AIM2: variants seen among roughly 807,000 people sequenced by gnomAD.
AIM2 encodes absent in melanoma 2, also known as interferon-inducible protein AIM2.
A neutral mutation model predicts 27.7 loss-of-function variants in AIM2; 30 were observed. The ratio of observed to expected loss-of-function variants is 1.08; its 90% confidence interval spans 0.81 to 1.47. The LOEUF is 1.47. Among genes scored for constraint, AIM2 ranks in the 40% most tolerant of loss-of-function variants. The pLI is 0.00. For missense variants in AIM2, 358 were observed against 411.3 expected, an observed-to-expected ratio of 0.87 and a Z score of 1.12; for synonymous variants, 141 against 145.3, an observed-to-expected ratio of 0.97 and a Z score of 0.21.
chr1:159,086,597 A>C (rs1039508915), intron 1 of AIM2, among the ~76,000 whole-genome samples: 2 of 152,210 alleles, frequency 1.3e-5, no homozygotes, highest in Admixed American at 6.5e-5. Flanking sequence ...TGCAAGCCCA[A>C]GTCTGAGCTA....
chr1:159,120,025 T>C lies in AIM2; in HGVS notation c.-16+20406A>G, dbSNP rs1557911714. ...ATATAATCTTATGTTCATACTAACATTTACAACTTAGATTTGATTTTATAG... is the reference window on the plus strand; with the variant it reads ...ATATAATCTTATGTTCATACTAACACTTACAACTTAGATTTGATTTTATAG... On this transcript the variant is annotated intron_variant, in intron 1 of 2. Coordinates refer to the AIM2 transcript ENST00000368129. 6.6e-5 allele frequency among the ~76,000 whole-genome samples: 10 copies of C among 152,146 alleles called. 1 individual carries two copies.
chr1:159,086,611 G>T (rs190089711), intron 1 of AIM2, among the ~76,000 whole-genome samples: 1 of 152,232 alleles, frequency 6.6e-6, no homozygotes, highest in East Asian at 1.9e-4. Flanking sequence ...TGAGCTAAGT[G>T]CTCCTGTTGT....
chr1:159,075,284 A>G (rs1020977236), intron 1 of AIM2, among the ~76,000 whole-genome samples: 1 of 152,152 alleles, frequency 6.6e-6, no homozygotes, highest in African/African-American at 2.4e-5. Flanking sequence ...CACAAAATAT[A>G]TATCTGGTTG....
intron 1 of AIM2, among the ~76,000 whole-genome samples, chr1:159,106,781 C>T: frequency 6.6e-6 from 1 of 152,262 alleles, no homozygotes; most frequent in East Asian, 1.9e-4. Flanking sequence ...TGAAGGCTCT[C>T]TGCCACAACT....
intron 1 of AIM2, among the ~76,000 whole-genome samples, chr1:159,109,664 T>C (rs1398061105): frequency 6.6e-6 from 1 of 151,970 alleles, no homozygotes; most frequent in East Asian, 1.9e-4. Flanking sequence ...TCTATACAAC[T>C]GACAAAGTGC....
chr1:159,139,007 G>A (rs1017794958), intron 1 of AIM2, among the ~76,000 whole-genome samples: 1 of 152,132 alleles, frequency 6.6e-6, no homozygotes, highest in African/African-American at 2.4e-5. Flanking sequence ...GTATTCAGAA[G>A]AAAATTGTTA....
At chr1:159,128,669 ACT>A in intron 1 of AIM2, among the ~76,000 whole-genome samples, 1 of 151,770 alleles carries the variant, frequency 6.6e-6, no homozygotes. Context: ...AGATACTTTA[ACT>A]CTCAGCTTCC....
At chr1:159,105,342 G>A (rs1324830400) in intron 1 of AIM2, among the ~76,000 whole-genome samples, 1 of 152,202 alleles carries the variant, frequency 6.6e-6, no homozygotes, top group Admixed American at 6.5e-5. Flanking sequence ...GGGTGTTACA[G>A]CCCTCGCCCG....
At chr1:159,127,979 A>G (rs1204188597) in intron 1 of AIM2, among the ~76,000 whole-genome samples, 3 of 151,954 alleles carry the variant, frequency 2.0e-5, no homozygotes, top group African/African-American at 7.3e-5. Context: ...GCAATCTCTT[A>G]ATCTGTTCCC....
At chr1:159,082,712 C>T (rs983243336) in intron 1 of AIM2, among the ~76,000 whole-genome samples, 7 of 152,090 alleles carry the variant, frequency 4.6e-5, no homozygotes, top group East Asian at 1.9e-4. Flanking sequence ...AAGATCTAAT[C>T]GCCTCCCCAA....
intron 1 of AIM2, among the ~76,000 whole-genome samples, chr1:159,107,710 G>A (rs542036555): frequency 6.6e-6 from 1 of 152,048 alleles, no homozygotes; most frequent in African/African-American, 2.4e-5. Context: ...AATAAGAAAC[G>A]AAATGGGAGA....
At chr1:159,068,954 C>T (rs1484013592) in intron 2 of AIM2, among the ~76,000 whole-genome samples, 1 of 152,110 alleles carries the variant, frequency 6.6e-6, no homozygotes, top group African/African-American at 2.4e-5. Flanking sequence ...GCTTAGTCAA[C>T]ATAGGGAGAC....
intron 5 of AIM2, 35 bp from the exon 6 acceptor site, chr1:159,062,753 C>T (rs1249275806): frequency 4.4e-6 from 7 of 1,608,122 alleles, no homozygotes; most frequent in Non-Finnish European, 6.0e-6. Context: ...GTCTGAGATG[C>T]AGTCGATGAG....
chr1:159,067,674 T>C (rs1308658958), intron 3 of AIM2, among the ~76,000 whole-genome samples: 1 of 152,216 alleles, frequency 6.6e-6, no homozygotes, highest in Non-Finnish European at 1.5e-5. Context: ...CATTTATACT[T>C]GAACCTTGTT....
intron 1 of AIM2, among the ~76,000 whole-genome samples, chr1:159,102,556 G>C (rs934627058): frequency 1.4e-4 from 21 of 152,238 alleles, no homozygotes; most frequent in African/African-American, 4.8e-4. Context: ...ACCCGTGAAA[G>C]CACCCGGCGG....
chr1:159,112,996 G>C (rs557873358), intron 1 of AIM2, among the ~76,000 whole-genome samples: 159 of 151,328 alleles, frequency 1.1e-3, no homozygotes, highest in African/African-American at 3.7e-3. Flanking sequence ...CCAGGCTGGA[G>C]TGCAGTGGCG....
chr1:159,101,569 C>G (rs1657313184), intron 1 of AIM2, among the ~76,000 whole-genome samples: 1 of 152,104 alleles, frequency 6.6e-6, no homozygotes, highest in Admixed American at 6.5e-5. Flanking sequence ...CAGAAGAAGA[C>G]AAGAAGATGT....
At chr1:159,138,542 T>C (rs758453375) in intron 1 of AIM2, among the ~76,000 whole-genome samples, 1 of 152,226 alleles carries the variant, frequency 6.6e-6, no homozygotes, top group African/African-American at 2.4e-5. Flanking sequence ...TCATTTGTCT[T>C]CATCATGGGA....
At chr1:159,097,187 C>T (rs1657199141) in intron 1 of AIM2, among the ~76,000 whole-genome samples, 1 of 151,868 alleles carries the variant, frequency 6.6e-6, no homozygotes, top group South Asian at 2.1e-4. Flanking sequence ...CCTTACTAGC[C>T]ACTGTGCCAA....
Sources: gnomAD v4.1 joint callset for allele counts (sites outside exome capture counted in the v4.1 genomes callset) on GRCh38, gnomAD v4.1.1 for gene constraint, MANE v1.5 for transcripts, NCBI Gene and HGNC (gene_info 2026-07-23, HGNC 2026-07-21) for gene names.